Variants in SEMA5A observed in about 807,000 individuals in gnomAD.
The protein encoded by SEMA5A is semaphorin-5A.
In SEMA5A, 55 loss-of-function variants were observed where a neutral mutation model predicts 135.5. That is an observed-to-expected ratio of 0.41 (90% CI 0.33 to 0.51). The LOEUF (loss-of-function observed/expected upper bound fraction) is 0.51. Among genes scored for constraint, SEMA5A ranks in the 20% least tolerant of loss-of-function variants. The probability of loss-of-function intolerance (pLI) is 0.37; values close to 1 mark genes in which losing one functional copy is unlikely to be tolerated. For synonymous variants in SEMA5A, 580 were observed against 546.5 expected (o/e 1.06, Z -0.85); for missense variants, 1,290 against 1,419.9 (o/e 0.91, Z 1.47).
intron 1 of SEMA5A, among the ~76,000 whole-genome samples, chr5:9,509,691 T>G (rs1414994761): frequency 6.6e-6 from 1 of 152,184 alleles, no homozygotes; most frequent in Non-Finnish European, 1.5e-5. Flanking sequence ...TACTCTAAAC[T>G]CTGTAAGAAG....
intron 5 of SEMA5A, among the ~76,000 whole-genome samples, chr5:9,238,579 A>G (rs888329863): frequency 6.6e-6 from 1 of 152,164 alleles, no homozygotes; most frequent in Admixed American, 6.6e-5. Flanking sequence ...GCTAACTCAC[A>G]AATGAAATGT....
chr5:9,361,478 C>T (rs1366481651), intron 3 of SEMA5A, among the ~76,000 whole-genome samples: 3 of 152,140 alleles, frequency 2.0e-5, no homozygotes, highest in Non-Finnish European at 4.4e-5. Flanking sequence ...GACTGAGTCA[C>T]ATATATTTTT....
At chr5:9,439,793 C>T (rs2126676909) in intron 1 of SEMA5A, among the ~76,000 whole-genome samples, 1 of 152,334 alleles carries the variant, frequency 6.6e-6, no homozygotes, top group East Asian at 1.9e-4. Flanking sequence ...CAACAGACTC[C>T]AAAACCCAGC....
chr5:9,156,183 T>TGTAAGCA (rs1742945574), intron 11 of SEMA5A, among the ~76,000 whole-genome samples: 1 of 152,178 alleles, frequency 6.6e-6, no homozygotes, highest in South Asian at 2.1e-4. Context: ...AGTTCACAGA[T>TGTAAGCA]GTAAGCATGT....
chr5:9,352,936 C>G (rs375104632), intron 3 of SEMA5A, among the ~76,000 whole-genome samples: 1 of 151,718 alleles, frequency 6.6e-6, no homozygotes, highest in Non-Finnish European at 1.5e-5. Flanking sequence ...ACTATACCAA[C>G]CCCTGCTCTA....
At chr5:9,539,691 A>G (rs2126381282) in intron 1 of SEMA5A, among the ~76,000 whole-genome samples, 1 of 152,328 alleles carries the variant, frequency 6.6e-6, no homozygotes, top group Non-Finnish European at 1.5e-5. Flanking sequence ...TATATATATT[A>G]GCATTTTTAG....
chr5:9,423,320 T>G (rs1757534477), intron 2 of SEMA5A, among the ~76,000 whole-genome samples: 3 of 152,236 alleles, frequency 2.0e-5, no homozygotes, highest in Admixed American at 1.3e-4. Flanking sequence ...ACCAATGAAA[T>G]GATCCACTGG....
intron 5 of SEMA5A, among the ~76,000 whole-genome samples, chr5:9,290,537 A>T (rs1015612466): frequency 1.3e-5 from 2 of 152,180 alleles, no homozygotes; most frequent in Non-Finnish European, 2.9e-5. Context: ...GGTCTCATTA[A>T]TTGTGAAACA....
intron 11 of SEMA5A, among the ~76,000 whole-genome samples, chr5:9,189,850 CA>C (rs1328302974): frequency 1.3e-5 from 2 of 152,202 alleles, no homozygotes; most frequent in Admixed American, 1.3e-4. Context: ...ACCATCCACG[CA>C]AATATTTTGC....
intron 1 of SEMA5A, among the ~76,000 whole-genome samples, chr5:9,451,669 T>C (rs2126705925): frequency 6.6e-6 from 1 of 152,338 alleles, no homozygotes; most frequent in South Asian, 2.1e-4. Flanking sequence ...ATTTCTCCTA[T>C]TTTTACATTC....
At chr5:9,401,233 T>C (rs891391049) in intron 2 of SEMA5A, among the ~76,000 whole-genome samples, 4 of 152,200 alleles carry the variant, frequency 2.6e-5, no homozygotes, top group Non-Finnish European at 5.9e-5. Flanking sequence ...ATGAGCAGTA[T>C]CCATAAAAGT....
At chr5:9,497,416 C>T (rs1001266787) in intron 1 of SEMA5A, among the ~76,000 whole-genome samples, 10 of 152,278 alleles carry the variant, frequency 6.6e-5, no homozygotes, top group East Asian at 3.9e-4. Flanking sequence ...GGGATAGAGA[C>T]GGCTATAGTG....
At chr5:9,043,375 T>G (rs147752088) in intron 22 of SEMA5A, 1 of 198,042 alleles carries the variant, frequency 5.0e-6, no homozygotes, top group Non-Finnish European at 1.0e-5. Flanking sequence ...ATAACTAAAT[T>G]CGTATTCATA....
intron 3 of SEMA5A, among the ~76,000 whole-genome samples, chr5:9,364,983 G>T (rs995606515): frequency 6.6e-6 from 1 of 152,168 alleles, no homozygotes; most frequent in African/African-American, 2.4e-5. Flanking sequence ...CATGTATTGA[G>T]TACTCATTGT....
At chr5:9,441,677 G>T (rs1758240633) in intron 1 of SEMA5A, among the ~76,000 whole-genome samples, 1 of 152,208 alleles carries the variant, frequency 6.6e-6, no homozygotes, top group Non-Finnish European at 1.5e-5. Flanking sequence ...AAACAGGAGG[G>T]TGGATTCCAG....
At chr5:9,281,988 T>A (rs1258714468) in intron 5 of SEMA5A, among the ~76,000 whole-genome samples, 3 of 152,072 alleles carry the variant, frequency 2.0e-5, no homozygotes, top group Non-Finnish European at 2.9e-5. Context: ...AATTTTTGTA[T>A]TTTTAGTAGA....
At chr5:9,156,632 G>A (rs1478352861) in intron 11 of SEMA5A, among the ~76,000 whole-genome samples, 1 of 152,228 alleles carries the variant, frequency 6.6e-6, no homozygotes, top group Admixed American at 6.5e-5. Flanking sequence ...AAGTTCAGGG[G>A]TGGGTGGCCT....
intron 5 of SEMA5A, among the ~76,000 whole-genome samples, chr5:9,273,117 G>T (rs933642082): frequency 4.6e-5 from 7 of 151,990 alleles, no homozygotes; most frequent in African/African-American, 1.7e-4. Context: ...CTTGAAAAAA[G>T]TTCTTGAAAG....
chr5:9,246,344 T>C (rs1748481471), intron 5 of SEMA5A, among the ~76,000 whole-genome samples: 1 of 152,114 alleles, frequency 6.6e-6, no homozygotes, highest in South Asian at 2.1e-4. Context: ...GACATCGGAG[T>C]GGATTGAATT....
Sources: allele counts gnomAD v4.1 joint callset (sites outside exome capture counted in the v4.1 genomes callset), GRCh38; gene constraint gnomAD v4.1.1; transcripts MANE v1.5; gene names NCBI Gene and HGNC (gene_info 2026-07-23, HGNC 2026-07-21).